ZHX2: variants seen among roughly 807,000 people sequenced by gnomAD.
The protein encoded by ZHX2 is zinc fingers and homeoboxes 2.
A neutral mutation model predicts 21.9 loss-of-function variants in ZHX2; 6 were observed. The ratio of observed to expected loss-of-function variants is 0.27; its 90% CI spans 0.15 to 0.54. The LOEUF is 0.54. ZHX2 is among the 20% of genes least tolerant of loss of function. The pLI is 0.95. For synonymous variants in ZHX2, 434 were observed against 437.1 expected (o/e 0.99, Z 0.09); for missense variants, 908 against 1,090.7 (o/e 0.83, Z 2.36).
At chr8:122,932,698 T>C (rs1821022726) in intron 2 of ZHX2, among the ~76,000 whole-genome samples, 1 of 152,216 alleles carries the variant, frequency 6.6e-6, no homozygotes. Context: ...ACTTGGGGAA[T>C]CCAGGATAAT....
chr8:122,924,032 G>A (rs1203320473), intron 2 of ZHX2, among the ~76,000 whole-genome samples: 1 of 152,166 alleles, frequency 6.6e-6, no homozygotes, highest in East Asian at 1.9e-4. Context: ...GCCTTCCCCA[G>A]CAGGTTGTCC....
chr8:122,806,827 A>G (rs1817834707), intron 1 of ZHX2, among the ~76,000 whole-genome samples: 1 of 152,234 alleles, frequency 6.6e-6, no homozygotes, highest in South Asian at 2.1e-4. Flanking sequence ...ACCCTCATTT[A>G]TGGAGTAAAA....
At chr8:122,809,548 G>A (rs1817884867) in intron 1 of ZHX2, among the ~76,000 whole-genome samples, 1 of 151,956 alleles carries the variant, frequency 6.6e-6, no homozygotes, top group Non-Finnish European at 1.5e-5. Flanking sequence ...AAGAGGAATT[G>A]GAAACTAACC....
At chr8:122,948,907 ACTTT>A (rs1813041378) in intron 2 of ZHX2, among the ~76,000 whole-genome samples, 1 of 152,260 alleles carries the variant, frequency 6.6e-6, no homozygotes, top group Admixed American at 6.5e-5. Flanking sequence ...ACAGGGAATC[ACTTT>A]CTAAATATAA....
intron 3 of ZHX2, among the ~76,000 whole-genome samples, chr8:122,955,078 G>GC (rs1030707669): frequency 1.4e-5 from 2 of 144,802 alleles, no homozygotes; most frequent in Non-Finnish European, 3.0e-5. Flanking sequence ...CCGGGGGGGG[G>GC]GGGGTGGCAG....
chr8:122,820,653 A>G (rs1218229807), intron 1 of ZHX2, among the ~76,000 whole-genome samples: 1 of 152,146 alleles, frequency 6.6e-6, no homozygotes, highest in Admixed American at 6.5e-5. Context: ...AGAGGGATGC[A>G]TTTGGGGTGG....
At chr8:122,838,406 G>A (rs868765801) in intron 1 of ZHX2, among the ~76,000 whole-genome samples, 2 of 152,100 alleles carry the variant, frequency 1.3e-5, no homozygotes, top group Non-Finnish European at 2.9e-5. Context: ...AAGAAGTAAC[G>A]AGGCATGTCA....
intron 2 of ZHX2, among the ~76,000 whole-genome samples, chr8:122,902,065 G>A (rs1283020237): frequency 2.0e-5 from 3 of 152,170 alleles, no homozygotes; most frequent in Admixed American, 6.5e-5. Flanking sequence ...AACAGAATAA[G>A]TAGCCTGCAG....
intron 1 of ZHX2, among the ~76,000 whole-genome samples, chr8:122,851,200 A>G (rs555506968): frequency 3.3e-5 from 5 of 152,288 alleles, no homozygotes; most frequent in East Asian, 1.9e-4. Context: ...GCCAAGATTT[A>G]TGGATAAAAT....
chr8:122,860,199 AACTC>A (rs1255966419), intron 1 of ZHX2, among the ~76,000 whole-genome samples: 2 of 152,192 alleles, frequency 1.3e-5, no homozygotes, highest in Non-Finnish European at 2.9e-5. Context: ...ATCTCGTGAG[AACTC>A]ACTCACTATC....
intron 2 of ZHX2, among the ~76,000 whole-genome samples, chr8:122,873,511 T>A (rs1819494831): frequency 6.6e-6 from 1 of 152,156 alleles, no homozygotes; most frequent in Non-Finnish European, 1.5e-5. Flanking sequence ...TTGAGCAGCA[T>A]CAGAGCGGGC....
chr8:122,832,755 G>C (rs929418289), intron 1 of ZHX2, among the ~76,000 whole-genome samples: 1 of 152,230 alleles, frequency 6.6e-6, no homozygotes, highest in Admixed American at 6.5e-5. Flanking sequence ...AGGGATATGC[G>C]GTCGGTTGTG....
chr8:122,780,790 C>T (rs1213989917), upstream of ZHX2: 1 of 152,224 alleles, frequency 6.6e-6, no homozygotes, highest in Non-Finnish European at 1.5e-5. Flanking sequence ...CTGCGAGCAC[C>T]GCAGGCGTGT....
At chr8:122,819,471 A>G (rs946277938) in intron 1 of ZHX2, among the ~76,000 whole-genome samples, 2 of 152,230 alleles carry the variant, frequency 1.3e-5, no homozygotes, top group African/African-American at 4.8e-5. Context: ...TAGAAGAAGG[A>G]CTTGAACTTG....
chr8:122,885,572 G>T (rs1819819690), intron 2 of ZHX2, among the ~76,000 whole-genome samples: 1 of 152,172 alleles, frequency 6.6e-6, no homozygotes, highest in Non-Finnish European at 1.5e-5. Context: ...GTAGTGGGTT[G>T]GGTGACAGTG....
At chr8:122,856,908 G>A (rs1187727176) in intron 1 of ZHX2, among the ~76,000 whole-genome samples, 1 of 152,104 alleles carries the variant, frequency 6.6e-6, no homozygotes, top group Non-Finnish European at 1.5e-5. Context: ...ACACACACAG[G>A]TAAAGGCAGA....
At chr8:122,890,087 T>C (rs1819940824) in intron 2 of ZHX2, among the ~76,000 whole-genome samples, 1 of 152,216 alleles carries the variant, frequency 6.6e-6, no homozygotes, top group Non-Finnish European at 1.5e-5. Context: ...TTTTATAGTT[T>C]GGGGTCTTAC....
intron 1 of ZHX2, among the ~76,000 whole-genome samples, chr8:122,802,337 A>T (rs550194653): frequency 6.6e-6 from 1 of 152,284 alleles, no homozygotes; most frequent in South Asian, 2.1e-4. Flanking sequence ...TGCGGGGGTT[A>T]GAGGCGTGAG....
At chr8:122,791,240 C>T (rs142403523) in intron 1 of ZHX2, among the ~76,000 whole-genome samples, 35 of 152,326 alleles carry the variant, frequency 2.3e-4, no homozygotes, top group African/African-American at 6.5e-4. Context: ...ATCCTCACAC[C>T]GTAGCCCATG....
Sources: allele counts gnomAD v4.1 joint callset (sites outside exome capture counted in the v4.1 genomes callset), GRCh38; gene constraint gnomAD v4.1.1; transcripts MANE v1.5; gene names NCBI Gene and HGNC (gene_info 2026-07-23, HGNC 2026-07-21).